NVL: variants seen among roughly 807,000 people sequenced by gnomAD.
The protein encoded by NVL is nuclear valosin-containing protein-like.
In NVL, 84 loss-of-function variants were observed where a neutral mutation model predicts 110.2. The ratio of observed to expected loss-of-function variants is 0.76; its 90% CI spans 0.64 to 0.91. The LOEUF (loss-of-function observed/expected upper bound fraction) is 0.91. Among genes scored for constraint, NVL ranks in the 40% least tolerant of loss-of-function variants. The probability of loss-of-function intolerance (pLI) is 0.00; values close to 1 mark genes in which losing one functional copy is unlikely to be tolerated. For missense variants in NVL, 882 were observed against 1,035.9 expected (o/e 0.85, Z 2.04); for synonymous variants, 354 against 361.1 (o/e 0.98, Z 0.22).
intron 6 of NVL, chr1:224,305,400 T>C: frequency 2.5e-6 from 1 of 393,024 alleles, no homozygotes; most frequent in East Asian, 4.4e-5. Flanking sequence ...TGGCAGCACA[T>C]ATACTAAAAT....
intron 2 of NVL, among the ~76,000 whole-genome samples, chr1:224,319,830 C>G (rs979009104): frequency 6.6e-6 from 1 of 152,026 alleles, no homozygotes; most frequent in Admixed American, 6.6e-5. Flanking sequence ...TACAGTGGAT[C>G]GATCAAAACT....
At chr1:224,323,730 G>A (rs1204613808) in intron 2 of NVL, among the ~76,000 whole-genome samples, 4 of 152,176 alleles carry the variant, frequency 2.6e-5, no homozygotes, top group Admixed American at 6.5e-5. Context: ...GAGGGCACAG[G>A]TCCGGCAGGT....
chr1:224,316,256 C>A lies in NVL; in HGVS notation c.284+1438G>T, dbSNP rs571971187. On this transcript the variant is annotated intron_variant, in intron 4 of 22. Coordinates refer to ENST00000281701, the MANE Select transcript of NVL (RefSeq NM_002533.4). ...ATACTTATCAATAAAAAGCAATGAA[C>A]TATTGATACACACAACATTGATAAA... Among the ~76,000 whole-genome samples, 7 of 152,094 alleles carry A rather than the reference C, an allele frequency of 4.6e-5. No homozygotes were observed. The South Asian group carries it at 1.5e-3, about 32-fold the overall frequency.
intron 16 of NVL, among the ~76,000 whole-genome samples, chr1:224,276,139 G>A (rs1665736085): frequency 1.3e-5 from 2 of 152,164 alleles, no homozygotes; most frequent in African/African-American, 4.8e-5. Context: ...AATTTTTCTT[G>A]TAAAATGTCA....
intron 15 of NVL, among the ~76,000 whole-genome samples, chr1:224,284,100 C>A (rs1339242093): frequency 6.6e-6 from 1 of 152,000 alleles, no homozygotes; most frequent in African/African-American, 2.4e-5. Flanking sequence ...ATACTTTACA[C>A]ATAGGGAAGA....
intron 2 of NVL, among the ~76,000 whole-genome samples, chr1:224,323,562 G>A (rs1453061775): frequency 2.0e-5 from 3 of 152,180 alleles, no homozygotes; most frequent in Non-Finnish European, 4.4e-5. Context: ...CCGAGATGGG[G>A]ACAAAATTAA....
At chr1:224,271,970 C>T (rs372680016) in intron 17 of NVL, among the ~76,000 whole-genome samples, 2 of 151,692 alleles carry the variant, frequency 1.3e-5, no homozygotes, top group African/African-American at 2.4e-5. Context: ...GCCGAGATTG[C>T]GCCACTGCAC....
At chr1:224,304,932 T>G in intron 7 of NVL, 102 bp downstream of exon 7, 1 of 1,525,524 alleles carries the variant, frequency 6.6e-7, no homozygotes, top group Non-Finnish European at 9.0e-7. Context: ...CTGGTAAACA[T>G]TTCTGCACAT....
At chr1:224,324,190 T>A (rs4654021) in intron 2 of NVL, among the ~76,000 whole-genome samples, 152,146 of 152,322 alleles carry the variant, frequency 1, 75,986 homozygotes, top group Non-Finnish European at 1. Flanking sequence ...GGTATTGTGT[T>A]TTTAAACATA....
intron 6 of NVL, among the ~76,000 whole-genome samples, chr1:224,306,883 T>A (rs897635815): frequency 6.6e-6 from 1 of 152,074 alleles, no homozygotes; most frequent in Non-Finnish European, 1.5e-5. Context: ...TTGCCAACCA[T>A]AACAATGTTC....
chr1:224,251,676 G>A (rs1662525290), intron 18 of NVL, among the ~76,000 whole-genome samples: 1 of 151,912 alleles, frequency 6.6e-6, no homozygotes. Context: ...ATGTCCTTAA[G>A]TAAATGAAAA....
chr1:224,238,308 C>CA (rs1370602916), intron 19 of NVL, among the ~76,000 whole-genome samples: 5 of 152,306 alleles, frequency 3.3e-5, no homozygotes, highest in African/African-American at 1.2e-4. Context: ...GCTGAGATTA[C>CA]AGGTGAGGGC....
intron 19 of NVL, 126 bp from the exon 20 acceptor site, chr1:224,236,708 C>T (rs1251402733): frequency 3.8e-5 from 25 of 666,570 alleles, no homozygotes; most frequent in Non-Finnish European, 4.9e-5. Context: ...GTCAGGAGTT[C>T]GAGACCAACC....
intron 18 of NVL, among the ~76,000 whole-genome samples, chr1:224,262,707 G>A (rs916507906): frequency 6.6e-6 from 1 of 152,038 alleles, no homozygotes; most frequent in Non-Finnish European, 1.5e-5. Flanking sequence ...AAATAACATC[G>A]ACAGCTGTAT....
At chr1:224,280,182 T>G (rs1324687889) in intron 16 of NVL, among the ~76,000 whole-genome samples, 2 of 150,180 alleles carry the variant, frequency 1.3e-5, no homozygotes. Flanking sequence ...TTTTTTTGTT[T>G]TTTTTTTTTT....
rs199700912 is a variant in NVL at position 224,264,301 on chromosome 1, T to TG, written c.2182+3732dup. Reference sequence around the variant, plus strand: ...CTCTGTCGCCCAGGCTGGAATGCAGTGGTGCTATCTGGGCTCACTGCAACC... The same window carrying TG: ...CTCTGTCGCCCAGGCTGGAATGCAGTGGGTGCTATCTGGGCTCACTGCAACC... On this transcript the variant is annotated intron_variant, in intron 18 of 22. Transcript: ENST00000281701. 6.1e-3 allele frequency among the ~76,000 whole-genome samples: 924 copies of TG among 151,774 alleles called. 6 individuals carry two copies. The highest frequency in any genetic ancestry group is 0.021 in the African/African-American group (876 of 41,386).
At chr1:224,239,430 C>A (rs999527295) in intron 19 of NVL, among the ~76,000 whole-genome samples, 1 of 151,994 alleles carries the variant, frequency 6.6e-6, no homozygotes, top group South Asian at 2.1e-4. Flanking sequence ...TGAAGACTAG[C>A]GTAGACTTTC....
At chr1:224,303,893 C>G (rs974721657) in intron 8 of NVL, 36 bp from the exon 9 acceptor site, 2 of 1,569,304 alleles carry the variant, frequency 1.3e-6, no homozygotes, top group Non-Finnish European at 1.7e-6. Flanking sequence ...TCTTTCAAGA[C>G]AGAACAATCA....
At chr1:224,253,736 AAAAAAAAAAAAAG>A (rs1241597305) in intron 18 of NVL, among the ~76,000 whole-genome samples, 4 of 150,566 alleles carry the variant, frequency 2.7e-5, no homozygotes, top group African/African-American at 4.9e-5. Flanking sequence ...GGTCTCAAAA[AAAAAAAAAAAAAG>A]AAAAGAAAAA....
Sources: allele counts gnomAD v4.1 joint callset (sites outside exome capture counted in the v4.1 genomes callset), GRCh38; gene constraint gnomAD v4.1.1; transcripts MANE v1.5; gene names NCBI Gene and HGNC (gene_info 2026-07-23, HGNC 2026-07-21).